CCL25: variants seen among roughly 807,000 people sequenced by gnomAD.
CCL25 encodes C-C motif chemokine 25.
In CCL25, 14 loss-of-function variants were observed where a neutral mutation model predicts 19.9. The ratio of observed to expected loss-of-function variants is 0.70; its 90% CI spans 0.47 to 1.10. CCL25 has a LOEUF of 1.10. Ranked by LOEUF, CCL25 falls within the 50% of genes least tolerant of loss-of-function variation. CCL25 has a pLI of 0.00. For missense variants in CCL25, 151 were observed against 181.2 expected (o/e 0.83, Z 0.96); for synonymous variants, 68 against 73.2 (o/e 0.93, Z 0.36).
chr19:8,060,796 T>C (rs2081312547), intron 5 of CCL25, among the ~76,000 whole-genome samples: 1 of 151,668 alleles, frequency 6.6e-6, no homozygotes, highest in South Asian at 2.1e-4. Flanking sequence ...TTCTCCTGGC[T>C]CAGCCTCTGG....
intron 5 of CCL25, among the ~76,000 whole-genome samples, chr19:8,058,477 T>C (rs2081290242): frequency 8.9e-6 from 1 of 112,148 alleles, no homozygotes; most frequent in South Asian, 2.3e-4. Flanking sequence ...AAATATATAA[T>C]ATATAAATAT....
At chr19:8,052,728 C>G (rs2081240914), upstream of CCL25, 1 of 325,156 alleles carries the variant, frequency 3.1e-6, no homozygotes, top group Non-Finnish European at 5.6e-6. Flanking sequence ...GGGGCTCTGT[C>G]TATAAAGAGT....
chr19:8,059,139 T>A (rs1361088848), intron 5 of CCL25, among the ~76,000 whole-genome samples: 3 of 20,502 alleles, frequency 1.5e-4, no homozygotes, highest in Non-Finnish European at 3.1e-4. Context: ...AAATATATAT[T>A]ATATAATATA....
chr19:8,061,722 G>A (rs1052174776), intron 5 of CCL25, among the ~76,000 whole-genome samples: 9 of 151,898 alleles, frequency 5.9e-5, no homozygotes, highest in South Asian at 2.1e-4. Flanking sequence ...GGCCAGGTGC[G>A]GTGGCTCACA....
At chr19:8,056,092 G>A (rs2081268674) in intron 2 of CCL25, 60 bp from the exon 3 acceptor site, 10 of 1,163,990 alleles carry the variant, frequency 8.6e-6, no homozygotes, top group South Asian at 1.5e-5. Context: ...CTTGCCTGTG[G>A]CTGGCCCTGC....
chr19:8,060,982 A>ATTTTTTT (rs68112327), intron 5 of CCL25, among the ~76,000 whole-genome samples: 9 of 95,166 alleles, frequency 9.5e-5, no homozygotes, highest in Non-Finnish European at 1.2e-4. Flanking sequence ...GCCCGGCCTA[A>ATTTTTTT]TTTTTTTTTT....
At chr19:8,059,068 A>AATATATAAT (rs1473232739) in intron 5 of CCL25, among the ~76,000 whole-genome samples, 2 of 50,772 alleles carry the variant, frequency 3.9e-5, no homozygotes, top group African/African-American at 5.8e-5. Flanking sequence ...AAATATATAT[A>AATATATAAT]ATATATAATA....
intron 2 of CCL25, among the ~76,000 whole-genome samples, chr19:8,053,728 T>C (rs1465016215): frequency 1.3e-5 from 2 of 151,670 alleles, no homozygotes; most frequent in Non-Finnish European, 2.9e-5. Flanking sequence ...TTGTATTTTT[T>C]AGTAGAGATG....
chr19:8,059,086 T>TATATAATGTATATATTTATATATA (rs1568335932), intron 5 of CCL25, among the ~76,000 whole-genome samples: 10 of 18,424 alleles, frequency 5.4e-4, no homozygotes, highest in Non-Finnish European at 1.1e-3. Context: ...ATATATATAA[T>TATATAATGTATATATTTATATATA]ATATATAATG....
At chr19:8,062,161 G>T (rs2081322410) in intron 5 of CCL25, 57 bp from the exon 6 acceptor site, 5 of 1,582,400 alleles carry the variant, frequency 3.2e-6, no homozygotes, top group Non-Finnish European at 4.3e-6. Flanking sequence ...AATGCATATA[G>T]TTACTATTAT....
rs374079980 is a variant in CCL25, at chr19:8,062,264, C to G, written c.*39C>G. The stretch of plus-strand genomic sequence containing the variant: ...TGGGCTCCATCGGCACAGGAGGGGC[C>G]GGATCTTTCTCCGATAAAACCGTCG... On this transcript the variant is annotated 3_prime_UTR_variant, in exon 6 of 6. Coordinates refer to ENST00000315626, the MANE Select transcript of CCL25 (RefSeq NM_005624.4). 6.2e-7 allele frequency: 1 copy of G among 1,611,710 alleles called. No individual in the cohort carries two copies. The highest frequency in any genetic ancestry group is 8.5e-7 in the Non-Finnish European group (1 of 1,179,186).
chr19:8,062,284 C>T lies in CCL25; in HGVS notation c.*59C>T, dbSNP rs560826574. On this transcript the variant is annotated 3_prime_UTR_variant, in exon 6 of 6. Coordinates refer to ENST00000315626, the MANE Select transcript of CCL25 (RefSeq NM_005624.4). ...GGGGCCGGATCTTTCTCCGATAAAA[C>T]CGTCGCCCTACAGACCCAGCTGTCC... is the stretch of plus-strand genomic sequence containing the variant. 5.6e-6 allele frequency: 9 copies of T among 1,601,792 alleles called. No individual in the cohort carries two copies. The South Asian group carries it at 8.8e-5, about 16-fold the overall frequency.
rs1241742334 is a variant in CCL25 at position 8,062,294 on chromosome 19, A to G, written c.*69A>G. ...CTTTCTCCGATAAAACCGTCGCCCT[A>G]CAGACCCAGCTGTCCCCACGCCTCT... On this transcript the variant is annotated 3_prime_UTR_variant, in exon 6 of 6. Transcript: ENST00000315626. 2.5e-6 allele frequency: 4 copies of G among 1,573,900 alleles called. No individual in the cohort carries two copies. The highest frequency in any genetic ancestry group is 2.7e-5 in the African/African-American group (2 of 74,070).
In CCL25 at chr19:8,062,277, G is replaced by A. The variant is rs760544057; in HGVS notation, c.*52G>A. 62 of 1,608,654 alleles carry A rather than the reference G, an allele frequency of 3.9e-5. No individual in the cohort carries two copies. Among genetic ancestry groups the A allele is most frequent in the Non-Finnish European group, 3.7e-5 (44 of 1,176,544 alleles). ...CACAGGAGGGGCCGGATCTTTCTCCGATAAAACCGTCGCCCTACAGACCCA... is the reference window on the plus strand; with the variant it reads ...CACAGGAGGGGCCGGATCTTTCTCCAATAAAACCGTCGCCCTACAGACCCA... On this transcript the variant is annotated 3_prime_UTR_variant, in exon 6 of 6. Coordinates refer to ENST00000315626, the MANE Select transcript of CCL25 (RefSeq NM_005624.4).
At chr19:8,059,706 A>G (rs535223216) in intron 5 of CCL25, among the ~76,000 whole-genome samples, 1 of 152,250 alleles carries the variant, frequency 6.6e-6, no homozygotes, top group South Asian at 2.1e-4. Context: ...TGTGTTTACC[A>G]TTTTATTGTA....
intron 5 of CCL25, among the ~76,000 whole-genome samples, chr19:8,059,756 T>A (rs2081305107): frequency 6.6e-6 from 1 of 152,128 alleles, no homozygotes; most frequent in South Asian, 2.1e-4. Context: ...CTCACGCCTG[T>A]AATCCTAGCA....
chr19:8,053,323 C>T (rs1021157900), intron 2 of CCL25, among the ~76,000 whole-genome samples: 3 of 152,078 alleles, frequency 2.0e-5, no homozygotes, highest in African/African-American at 7.2e-5. Context: ...GTTCCTTCTT[C>T]GAGAGCCCCA....
At chr19:8,059,184 AAT>A (rs1446106817) in intron 5 of CCL25, among the ~76,000 whole-genome samples, 52 of 121,556 alleles carry the variant, frequency 4.3e-4, no homozygotes, top group Non-Finnish European at 6.8e-4. Context: ...ATAATATATA[AAT>A]ATATATATTA....
chr19:8,062,215 C>T lies in CCL25; in HGVS notation c.446-3C>T, dbSNP rs753672549. 6.2e-7 allele frequency: 1 copy of T among 1,612,948 alleles called. No individual in the cohort carries two copies. Among genetic ancestry groups the T allele is most frequent in the Non-Finnish European group, 8.5e-7 (1 of 1,179,986 alleles). ...ACTTCGGCCTCTCTCATTGCTTCTG[C>T]AGGACTGTGAGCCGGCTCATTTCTG... On this transcript the variant is annotated splice_region_variant and splice_polypyrimidine_tract_variant and intron_variant, in intron 5 of 5. Coordinates refer to ENST00000315626, the MANE Select transcript of CCL25 (RefSeq NM_005624.4).
Sources: allele counts gnomAD v4.1 joint callset (sites outside exome capture counted in the v4.1 genomes callset), GRCh38; gene constraint gnomAD v4.1.1; transcripts MANE v1.5; gene names NCBI Gene and HGNC (gene_info 2026-07-23, HGNC 2026-07-21).